AKAP19: variants seen among roughly 807,000 people sequenced by gnomAD.
AKAP19 encodes the protein A-kinase anchoring protein 19.
chr2:190,005,669 ATGG>A, the AKAP19 span, among the ~76,000 whole-genome samples: 2 of 152,170 alleles, frequency 1.3e-5, no homozygotes, highest in Non-Finnish European at 2.9e-5. Context: ...TATTGGTCTC[ATGG>A]TTTTTCTTTT....
At chr2:190,010,175 G>A in the AKAP19 span, among the ~76,000 whole-genome samples, 1 of 152,216 alleles carries the variant, frequency 6.6e-6, no homozygotes, top group African/African-American at 2.4e-5. Context: ...ATTCTTGAGT[G>A]GGTGAGATGG....
chr2:190,008,933 A>G, the AKAP19 span, among the ~76,000 whole-genome samples: 5 of 152,172 alleles, frequency 3.3e-5, no homozygotes, highest in South Asian at 1.0e-3. Context: ...TGGTAGGGAG[A>G]GATTGTGCTG....
chr2:189,902,111 TATCTC>T, the AKAP19 span, among the ~76,000 whole-genome samples: 91 of 152,196 alleles, frequency 6.0e-4, no homozygotes, highest in African/African-American at 1.9e-3. Context: ...TAAATTTTAA[TATCTC>T]ATAGGGCAAA....
At chr2:190,108,455 CCAAAATTTCTTA>C in the AKAP19 span, among the ~76,000 whole-genome samples, 3 of 152,230 alleles carry the variant, frequency 2.0e-5, no homozygotes, top group South Asian at 6.2e-4. Flanking sequence ...TATGCCCGGC[CCAAAATTTCTTA>C]TAAATGTTTG....
the AKAP19 span, among the ~76,000 whole-genome samples, chr2:190,124,369 T>G: frequency 6.6e-6 from 1 of 152,380 alleles, no homozygotes; most frequent in African/African-American, 2.4e-5. Flanking sequence ...CTATAACTTC[T>G]AGTCTACAAA....
chr2:189,914,112 A>T, the AKAP19 span, among the ~76,000 whole-genome samples: 1 of 152,190 alleles, frequency 6.6e-6, no homozygotes, highest in African/African-American at 2.4e-5. Flanking sequence ...CAATATGTTA[A>T]TCCTGTCTTC....
chr2:189,886,729 G>T, the AKAP19 span, among the ~76,000 whole-genome samples: 1 of 152,134 alleles, frequency 6.6e-6, no homozygotes, highest in Admixed American at 6.6e-5. Flanking sequence ...TAGAAGTTAA[G>T]GCATTCTAGA....
chr2:190,151,853 A>G, the AKAP19 span, among the ~76,000 whole-genome samples: 1 of 149,370 alleles, frequency 6.7e-6, no homozygotes, highest in Non-Finnish European at 1.5e-5. Flanking sequence ...AATATAAAAA[A>G]TAAGCTAGGC....
the AKAP19 span, among the ~76,000 whole-genome samples, chr2:189,894,548 T>G: frequency 3.3e-5 from 5 of 152,062 alleles, no homozygotes; most frequent in African/African-American, 1.2e-4. Context: ...TTTTTTCTTC[T>G]CGGATCACCT....
the AKAP19 span, among the ~76,000 whole-genome samples, chr2:190,083,213 T>C: frequency 4.6e-5 from 7 of 152,194 alleles, no homozygotes; most frequent in Non-Finnish European, 8.8e-5. Flanking sequence ...ACCCCGTCTC[T>C]ACTAAAAATA....
chr2:190,196,694 G>A, the AKAP19 span, among the ~76,000 whole-genome samples: 1 of 152,040 alleles, frequency 6.6e-6, no homozygotes, highest in Non-Finnish European at 1.5e-5. Context: ...GATTATTTCT[G>A]TTTGAACTTA....
At chr2:189,922,299 A>T in the AKAP19 span, among the ~76,000 whole-genome samples, 6 of 152,328 alleles carry the variant, frequency 3.9e-5, no homozygotes, top group African/African-American at 1.4e-4. Flanking sequence ...CATTTTAAAC[A>T]GGAATTATAT....
At chr2:189,934,181 A>G in the AKAP19 span, among the ~76,000 whole-genome samples, 2 of 152,146 alleles carry the variant, frequency 1.3e-5, no homozygotes, top group Non-Finnish European at 2.9e-5. Context: ...CCATAGAAAT[A>G]GAACCAAGAG....
At chr2:190,018,012 T>G in the AKAP19 span, among the ~76,000 whole-genome samples, 25 of 152,350 alleles carry the variant, frequency 1.6e-4, no homozygotes, top group East Asian at 4.8e-3. Context: ...AGAAATCTGC[T>G]GATAGCTTTA....
At chr2:190,124,894 T>C in the AKAP19 span, among the ~76,000 whole-genome samples, 1 of 152,194 alleles carries the variant, frequency 6.6e-6, no homozygotes, top group Non-Finnish European at 1.5e-5. Context: ...ACTTTTAAAC[T>C]TTTTTGTTAA....
chr2:190,014,407 C>T, the AKAP19 span, among the ~76,000 whole-genome samples: 1,537 of 152,250 alleles, frequency 0.01, 25 homozygotes, highest in African/African-American at 0.035. Context: ...ACCACCAGAT[C>T]TCATGAAAAT....
the AKAP19 span, among the ~76,000 whole-genome samples, chr2:190,129,330 AATTT>A: frequency 1.3e-5 from 2 of 152,220 alleles, no homozygotes; most frequent in Non-Finnish European, 2.9e-5. Context: ...GTGTAATTAA[AATTT>A]ATTCACAGAC....
At chr2:190,199,820 A>G in the AKAP19 span, 10 of 1,597,206 alleles carry the variant, frequency 6.3e-6, no homozygotes, top group Non-Finnish European at 8.5e-6. Flanking sequence ...GCCTGGAAGT[A>G]GTCTTTGCCA....
chr2:190,198,114 G>A, the AKAP19 span, among the ~76,000 whole-genome samples: 21 of 152,272 alleles, frequency 1.4e-4, no homozygotes, highest in East Asian at 5.8e-4. Context: ...AGTATGCAGC[G>A]TGAAGCAGGG....
Sources: allele counts gnomAD v4.1 joint callset (sites outside exome capture counted in the v4.1 genomes callset), GRCh38; gene constraint gnomAD v4.1.1; transcripts MANE v1.5; gene names NCBI Gene and HGNC (gene_info 2026-07-23, HGNC 2026-07-21).